The following PCDHGA7 variants were observed in gnomAD, a reference collection of about 807,000 sequenced individuals.
PCDHGA7 encodes the protein protocadherin gamma-A7.
A neutral mutation model predicts 58.3 loss-of-function variants in PCDHGA7; 44 were observed. The observed-to-expected ratio is 0.75, with a 90% CI of 0.59 to 0.97. The LOEUF (loss-of-function observed/expected upper bound fraction) is 0.97. Among genes scored for constraint, PCDHGA7 ranks in the 50% least tolerant of loss-of-function variants. The pLI, the probability that PCDHGA7 is intolerant of heterozygous loss-of-function variation, is 0.00. For synonymous variants in PCDHGA7, 516 were observed against 504.2 expected, an observed-to-expected ratio of 1.02 and a Z score of -0.31; for missense variants, 1,266 against 1,188.7, an observed-to-expected ratio of 1.06 and a Z score of -0.96.
At chr5:141,408,632 G>C (rs2154540395) in intron 1 of PCDHGA7, 3 of 1,613,952 alleles carry the variant, frequency 1.9e-6, no homozygotes, top group Non-Finnish European at 1.7e-6. Flanking sequence ...AGAAATTTTC[G>C]AATCTGCATC....
At chr5:141,427,963 T>C (rs1289642441) in intron 1 of PCDHGA7, 1 of 1,589,380 alleles carries the variant, frequency 6.3e-7, no homozygotes, top group East Asian at 2.2e-5. Flanking sequence ...GTGCCGCGGG[T>C]GCTGTACCCC....
Position 141,393,456 on chromosome 5 carries a change from T to A in PCDHGA7, c.2424+8133T>A. ...TGCTCACCACCTGGTCCTCACGGCC[T>A]CGGATGGCGGCAAGCCGCCTCGCTC... On this transcript the variant is annotated intron_variant, in intron 1 of 3. Coordinates refer to ENST00000518325, the MANE Select transcript of PCDHGA7 (RefSeq NM_018920.4). 1 of 1,614,026 alleles carries A rather than the reference T, an allele frequency of 6.2e-7. No individual in the cohort carries two copies. Among genetic ancestry groups the A allele is most frequent in the African/African-American group, 1.3e-5 (1 of 75,058 alleles).
Position 141,383,225 on chromosome 5 carries a change from T to G in PCDHGA7, c.326T>G (p.Leu109Arg). Residue 109 changes from leucine (L) to arginine (R), a missense_variant, in exon 1 of 4, where the codon CTG (leucine) becomes CGG (arginine). Transcript: ENST00000518325. Reference protein sequence around the residue: ...SARCLVNFNILMEDKMNLYPI... With the variant: ...SARCLVNFNIRMEDKMNLYPI... ...CGGTGTCTGGTAAACTTTAACATCC[T>G]GATGGAAGATAAAATGAATCTTTAC... 2 of 1,613,970 alleles carry G rather than the reference T, an allele frequency of 1.2e-6. No homozygotes were observed. Among genetic ancestry groups the G allele is most frequent in the Non-Finnish European group, 1.7e-6 (2 of 1,179,874 alleles).
In PCDHGA7 at chr5:141,489,456, G is replaced by A. The variant is rs1468723020; in HGVS notation, c.2425-5351G>A. The A allele has an allele frequency of 1.2e-6, 2 of 1,614,050 alleles. No homozygotes were observed. Among genetic ancestry groups the A allele is most frequent in the Non-Finnish European group, 1.7e-6 (2 of 1,180,016 alleles). ...TGCAATTGGGCTCTGAGGAGAATGG[G>A]CGCTATTTTTCCCTGAGCTTGATGA... On this transcript the variant is annotated intron_variant, in intron 1 of 3. Transcript: ENST00000518325. This position sits in a 1 kb window ranked among gnomAD's most constrained non-coding sequence, Gnocchi z 4.5.
chr5:141,411,028 T>C (rs2095458130), intron 1 of PCDHGA7: 1 of 163,058 alleles, frequency 6.1e-6, no homozygotes, highest in Admixed American at 6.2e-5. Flanking sequence ...TTTTTTGTAT[T>C]TTTAGTAGAC....
At chr5:141,389,465 A>G (rs1485260449) in intron 1 of PCDHGA7, 2 of 1,613,184 alleles carry the variant, frequency 1.2e-6, no homozygotes, top group Admixed American at 1.7e-5. Context: ...GCGCCTTCGA[A>G]CTCACACTGC....
intron 1 of PCDHGA7, among the ~76,000 whole-genome samples, chr5:141,453,692 C>G (rs1182118927): frequency 6.6e-6 from 1 of 152,146 alleles, no homozygotes; most frequent in African/African-American, 2.4e-5. Flanking sequence ...GTAGGTAGTC[C>G]TGGCTTTGAA....
intron 1 of PCDHGA7, among the ~76,000 whole-genome samples, chr5:141,454,195 T>A (rs1295815862): frequency 1.3e-5 from 2 of 152,136 alleles, no homozygotes; most frequent in Admixed American, 1.3e-4. Flanking sequence ...TTAGTGAAGG[T>A]GAATTTATTG....
chr5:141,422,587 CCTCA>C, intron 1 of PCDHGA7: 1 of 1,614,032 alleles, frequency 6.2e-7, no homozygotes, highest in Non-Finnish European at 8.5e-7. Context: ...TCCCGTTTTT[CCTCA>C]CTCCTCTTAC....
chr5:141,415,502 A>AGCCC, intron 1 of PCDHGA7: 1 of 1,614,204 alleles, frequency 6.2e-7, no homozygotes, highest in South Asian at 1.1e-5. Flanking sequence ...ATCTTCCCCC[A>AGCCC]GCCCAATTAT....
At chr5:141,390,867 C>CATGT in intron 1 of PCDHGA7, 1 of 151,040 alleles carries the variant, frequency 6.6e-6, no homozygotes, top group East Asian at 1.9e-4. Flanking sequence ...GCTGTGTGTG[C>CATGT]GTGTGTGTGT....
chr5:141,438,754 T>C (rs1213047429), intron 1 of PCDHGA7, among the ~76,000 whole-genome samples: 3 of 148,368 alleles, frequency 2.0e-5, no homozygotes, highest in African/African-American at 5.0e-5. Context: ...CTCTGCCTCC[T>C]GGGTTCAAGC....
chr5:141,422,831 C>A (rs766457129), intron 1 of PCDHGA7: 11 of 1,614,242 alleles, frequency 6.8e-6, no homozygotes, highest in Non-Finnish European at 6.8e-6. Context: ...AGAGTGATAG[C>A]ACGTGACAGC....
intron 1 of PCDHGA7, chr5:141,429,110 T>A (rs2097186231): frequency 6.6e-6 from 1 of 151,978 alleles, no homozygotes; most frequent in Non-Finnish European, 1.5e-5. Context: ...CGCCTCGGCC[T>A]CCCAAAGTGC....
chr5:141,430,245 G>C (rs1000418420), intron 1 of PCDHGA7, among the ~76,000 whole-genome samples: 1 of 104,402 alleles, frequency 9.6e-6, no homozygotes, highest in African/African-American at 6.4e-5. Flanking sequence ...GAAACTCCTA[G>C]GGAGACATCT....
intron 1 of PCDHGA7, chr5:141,430,515 G>A (rs1016446331): frequency 2.1e-5 from 7 of 340,180 alleles, no homozygotes; most frequent in Admixed American, 1.8e-4. Flanking sequence ...TCAAGATTGT[G>A]CAGTAATTGG....
In PCDHGA7 at chr5:141,383,521, C is replaced by T. The variant is rs1434665459; in HGVS notation, c.622C>T (p.His208Tyr). ...GCTGGACCGGGAGGAAGAGCGGGTT[C>T]ACCACCTGGTCCTCACAGCCTCTGA... ...RVLDREEERVHHLVLTASDGG... is the reference protein window; with the variant it reads ...RVLDREEERVYHLVLTASDGG... Residue 208 changes from histidine to tyrosine, a missense_variant, in exon 1 of 4, where the codon CAC becomes TAC. Physicochemically the swap from His to Tyr is moderately conservative, Grantham distance 83. Coordinates refer to ENST00000518325, the MANE Select transcript of PCDHGA7 (RefSeq NM_018920.4). 3.1e-6 allele frequency: 5 copies of T among 1,612,260 alleles called. No individual in the cohort carries two copies. Among genetic ancestry groups the T allele is most frequent in the Non-Finnish European group, 4.2e-6 (5 of 1,179,214 alleles).
chr5:141,491,434 A>T lies in PCDHGA7; in HGVS notation c.2425-3373A>T. 6.2e-7 allele frequency: 1 copy of T among 1,614,032 alleles called. No homozygotes were observed. Among genetic ancestry groups the T allele is most frequent in the Non-Finnish European group, 8.5e-7 (1 of 1,179,988 alleles). On this transcript the variant is annotated intron_variant, in intron 1 of 3. Transcript: ENST00000518325. The surrounding 1 kb of genome is among the most constrained non-coding windows in gnomAD (Gnocchi z 6.9). ...GGACGGGGGTGGAGGGCAGTGCTGC[A>T]GGCGCCAGGACTCACCCTCCCCGGA...
At chr5:141,457,864 C>T (rs962336979) in intron 1 of PCDHGA7, among the ~76,000 whole-genome samples, 5 of 152,166 alleles carry the variant, frequency 3.3e-5, no homozygotes, top group African/African-American at 4.8e-5. Flanking sequence ...CTTCACTGAC[C>T]ACAGGTTAGG....
Sources: allele counts gnomAD v4.1 joint callset (sites outside exome capture counted in the v4.1 genomes callset), GRCh38; gene constraint gnomAD v4.1.1; non-coding constraint Gnocchi (gnomAD v3.1); transcripts MANE v1.5; gene names NCBI Gene and HGNC (gene_info 2026-07-23, HGNC 2026-07-21).